The following MESD variants were observed in gnomAD, a reference collection of about 807,000 sequenced individuals.
MESD encodes the protein LRP chaperone MESD.
MESD carries 7 observed loss-of-function variants against 12.9 expected under a neutral mutation model. The observed-to-expected ratio is 0.54, with a 90% confidence interval of 0.31 to 1.02. The LOEUF (loss-of-function observed/expected upper bound fraction) is 1.02. MESD is among the 50% of genes least tolerant of loss of function. The pLI is 0.05. For missense variants in MESD, 342 were observed against 296.7 expected (o/e 1.15, Z -1.12); for synonymous variants, 126 against 115.6 (o/e 1.09, Z -0.58).
chr15:80,979,357 C>T lies in MESD; in HGVS notation c.567G>A (p.Val189=), dbSNP rs1269525138. 3.7e-6 allele frequency: 6 copies of T among 1,614,126 alleles called. No individual in the cohort carries two copies. Among genetic ancestry groups the T allele is most frequent in the Middle Eastern group, 1.6e-4 (1 of 6,062 alleles). The change falls in exon 3 of 3, where the codon GTG becomes GTA. Residue 189 remains valine (V), a synonymous_variant. Transcript: ENST00000261758. ...TGCTTCCTCCTCCTTTGCCGGGGTA[C>T]ACCTGGCCCTCCAGAGTTACATCAG... ...RCADVTLEGQ[V]YPGKGGGSKE...
chr15:80,968,594 C>T (rs1902221462), intron 3 of MESD, among the ~76,000 whole-genome samples: 1 of 152,146 alleles, frequency 6.6e-6, no homozygotes, highest in South Asian at 2.1e-4. Flanking sequence ...ATCGCTTGAG[C>T]TCAGGAGTTT....
At position 80,979,120 on chromosome 15, in the gene MESD, A is replaced by C. The variant is rs1332359043; in HGVS notation, c.*99T>G. The C allele has an allele frequency of 6.8e-7, 1 of 1,468,744 alleles. No individual in the cohort carries two copies. Among genetic ancestry groups the C allele is most frequent in the East Asian group, 2.3e-5 (1 of 44,038 alleles). 91.0% of individuals were successfully genotyped at this position (1,468,744 alleles called of 1,614,324 possible). ...CCTTTCTAGAAGACACTAGAATGTC[A>C]TCCGGTGTGCAGTTGCCTGAGACCA... On this transcript the variant is annotated 3_prime_UTR_variant, in exon 3 of 3. Transcript: ENST00000261758.
rs1292202492 is a variant in MESD at position 80,978,714 on chromosome 15, C to T, written c.*505G>A. On this transcript the variant is annotated 3_prime_UTR_variant, in exon 3 of 3. Coordinates refer to ENST00000261758, the MANE Select transcript of MESD (RefSeq NM_015154.3). ...ATTTCCTGCATAGATTTTGGATTTA[C>T]ACACCCTGGCTTCCTGGCTACAGAC... 2 of 152,894 alleles carry T rather than the reference C, an allele frequency of 1.3e-5. No homozygotes were observed. Among genetic ancestry groups the T allele is most frequent in the East Asian group, 1.9e-4 (1 of 5,206 alleles). The allele number at this position is 152,894 out of a possible 1,614,324, so 9.5% of individuals were successfully genotyped here.
At chr15:80,953,582 G>C (rs1298220720) in intron 3 of MESD, among the ~76,000 whole-genome samples, 3 of 152,226 alleles carry the variant, frequency 2.0e-5, no homozygotes, top group Non-Finnish European at 2.9e-5. Context: ...CAGCCTGGGA[G>C]GGGACAGGTC....
chr15:80,985,856 T>C (rs1902716457), intron 1 of MESD, among the ~76,000 whole-genome samples: 1 of 152,056 alleles, frequency 6.6e-6, no homozygotes, highest in Admixed American at 6.5e-5. Flanking sequence ...GGTTTCACCA[T>C]GTTGCCCAGG....
chr15:80,988,175 A>T (rs575493707), intron 1 of MESD, among the ~76,000 whole-genome samples: 1 of 152,374 alleles, frequency 6.6e-6, no homozygotes, highest in African/African-American at 2.4e-5. Flanking sequence ...TTTGAAACTC[A>T]GCTAGCTTGC....
chr15:80,970,450 G>A (rs1406964773), intron 3 of MESD: 1 of 151,538 alleles, frequency 6.6e-6, no homozygotes, highest in Non-Finnish European at 1.5e-5. Flanking sequence ...CCTTCCCTCT[G>A]GGCTCACTCA....
In MESD at chr15:80,979,261, G is replaced by C. The variant is rs757362252; in HGVS notation, c.663C>G (p.Ser221=). 3 of 1,613,850 alleles carry C rather than the reference G, an allele frequency of 1.9e-6. No individual in the cohort carries two copies. The highest frequency in any genetic ancestry group is 2.5e-6 in the Non-Finnish European group (3 of 1,180,016). The change falls in exon 3 of 3, where the codon TCC becomes TCG. Residue 221 remains serine, a synonymous_variant. Transcript: ENST00000261758. ...KKEGDLKSRS[S]KEENRAGNKR... The stretch of plus-strand genomic sequence containing the variant: ...TATTCCCAGCTCGATTTTCTTCCTT[G>C]GAAGACCGAGATTTCAGATCTCCTT...
intron 3 of MESD, among the ~76,000 whole-genome samples, chr15:80,955,387 G>C (rs1197294593): frequency 1.3e-5 from 2 of 150,368 alleles, no homozygotes; most frequent in Admixed American, 1.3e-4. Flanking sequence ...GTATTCGGGA[G>C]GCTGAGGCAG....
intron 3 of MESD, among the ~76,000 whole-genome samples, chr15:80,965,577 G>A (rs1902161621): frequency 1.3e-5 from 2 of 152,144 alleles, no homozygotes; most frequent in Admixed American, 1.3e-4. Flanking sequence ...TAATAGACTG[G>A]ATAAAGAAAA....
intron 4 of MESD, chr15:80,948,949 T>C (rs749792234): frequency 3.1e-6 from 5 of 1,613,928 alleles, no homozygotes; most frequent in Non-Finnish European, 4.2e-6. Context: ...CGGTGCCACC[T>C]CGTGGTAGAC....
chr15:80,988,968 C>A (rs1893222436), intron 1 of MESD, among the ~76,000 whole-genome samples: 2 of 152,162 alleles, frequency 1.3e-5, no homozygotes, highest in African/African-American at 4.8e-5. Flanking sequence ...CTCCTTTGAA[C>A]AAAAAGCGTG....
chr15:80,979,545 C>A, intron 2 of MESD, 68 bp from the exon 3 acceptor site: 1 of 1,518,494 alleles, frequency 6.6e-7, no homozygotes, highest in South Asian at 1.3e-5. Context: ...CAGAGCAATT[C>A]TCTGGCACTT....
chr15:80,975,241 C>A (rs1459438306), downstream of MESD, among the ~76,000 whole-genome samples: 2 of 151,414 alleles, frequency 1.3e-5, no homozygotes, highest in African/African-American at 4.9e-5. Flanking sequence ...AAAACCTAGC[C>A]AGGCATAGTG....
chr15:80,955,616 CGTGT>C lies in MESD; in HGVS notation c.*289-3324_*289-3321del, dbSNP rs536028552. Reference sequence around the variant, plus strand: ...AAAGTTTGAGAAGTGTGTGTTTGTGCGTGTGTGTGTGTGTGTGTGTGTGAGAGAG... The same window carrying C: ...AAAGTTTGAGAAGTGTGTGTTTGTGCGTGTGTGTGTGTGTGTGTGAGAGAG... On this transcript the variant is annotated intron_variant, in intron 3 of 4. Coordinates refer to the MESD transcript ENST00000561312. 9.4e-3 allele frequency among the ~76,000 whole-genome samples: 1,363 copies of C among 144,936 alleles called. 25 individuals are homozygous for C. Among genetic ancestry groups the C allele is most frequent in the African/African-American group, 0.034 (1,296 of 38,522 alleles).
At chr15:80,954,331 T>C (rs574681161) in intron 3 of MESD, among the ~76,000 whole-genome samples, 1 of 152,340 alleles carries the variant, frequency 6.6e-6, no homozygotes, top group Non-Finnish European at 1.5e-5. Context: ...AATGTGTGCT[T>C]GCTGTGTTGA....
chr15:80,985,639 C>CTT lies in MESD; in HGVS notation c.214-3459_214-3458dup, dbSNP rs11425497. Among the ~76,000 whole-genome samples the CTT allele has an allele frequency of 6.9e-3, 610 of 88,986 alleles. 48 individuals are homozygous for CTT. Among genetic ancestry groups the CTT allele is most frequent in the African/African-American group, 0.02 (437 of 21,588 alleles). 58.4% of individuals were successfully genotyped at this position (88,986 alleles called of 152,430 possible). On this transcript the variant is annotated intron_variant, in intron 1 of 2. Coordinates refer to ENST00000261758, the MANE Select transcript of MESD (RefSeq NM_015154.3). ...AATTAACTCAGTAGGTCCCAAGCAG[C>CTT]TTTTTTTTTTTTTTTTTTTTTTTTT...
chr15:80,983,716 A>C (rs1441482266), intron 1 of MESD, among the ~76,000 whole-genome samples: 3 of 152,184 alleles, frequency 2.0e-5, no homozygotes, highest in Non-Finnish European at 4.4e-5. Flanking sequence ...TGCTCAAAGA[A>C]TCGTGAACAT....
intron 4 of MESD, chr15:80,951,164 T>C (rs1901804761): frequency 6.5e-6 from 1 of 152,716 alleles, no homozygotes; most frequent in Non-Finnish European, 1.5e-5. Context: ...TTCACTCTTC[T>C]AATGCAAGGG....
Sources: allele counts gnomAD v4.1 joint callset (sites outside exome capture counted in the v4.1 genomes callset), GRCh38; gene constraint gnomAD v4.1.1; transcripts MANE v1.5; gene names NCBI Gene and HGNC (gene_info 2026-07-23, HGNC 2026-07-21).